Variants in MYT1L observed in about 807,000 individuals in gnomAD.
MYT1L encodes the protein myelin transcription factor 1-like protein.
In MYT1L, 12 loss-of-function variants were observed where a neutral mutation model predicts 126.7. The observed-to-expected ratio is 0.09, with a 90% CI of 0.06 to 0.15. MYT1L has a LOEUF of 0.15. Among genes scored for constraint, MYT1L ranks in the 10% least tolerant of loss-of-function variants. MYT1L has a pLI of 1.00. For synonymous variants in MYT1L, 541 were observed against 604.2 expected (o/e 0.90, Z 1.53); for missense variants, 979 against 1,585.2 (o/e 0.62, Z 6.49).
chr2:2,033,733 C>G (rs1271326052), intron 4 of MYT1L, among the ~76,000 whole-genome samples: 1 of 152,142 alleles, frequency 6.6e-6, no homozygotes, highest in Non-Finnish European at 1.5e-5. Context: ...CGGTGATTGG[C>G]AATCCCCAGC....
intron 3 of MYT1L, among the ~76,000 whole-genome samples, chr2:2,137,822 A>T (rs966189080): frequency 6.6e-6 from 1 of 152,228 alleles, no homozygotes; most frequent in African/African-American, 2.4e-5. Context: ...TGGTAACAAA[A>T]GCCACAATTG....
chr2:1,846,518 CACGGACAGAGCAT>C (rs531347624), intron 19 of MYT1L, among the ~76,000 whole-genome samples: 1 of 152,088 alleles, frequency 6.6e-6, no homozygotes, highest in Non-Finnish European at 1.5e-5. Context: ...GGGGTGAGCA[CACGGACAGAGCAT>C]ACGGACAGCT....
At position 2,224,014 on chromosome 2, in the gene MYT1L, T is replaced by A. The variant is rs1050601916; in HGVS notation, c.-420-51026A>T. ...TTTGACTGAGTTGACAGGTGGAGTG[T>A]GTATGTTGTGTGAGGTAACTTTAAG... On this transcript the variant is annotated intron_variant, in intron 2 of 24. Coordinates refer to ENST00000647738, the MANE Select transcript of MYT1L (RefSeq NM_001303052.2). The surrounding 1 kb of genome is among the most constrained non-coding windows in gnomAD (Gnocchi z 4.0). 6.6e-6 allele frequency among the ~76,000 whole-genome samples: 1 copy of A among 152,056 alleles called. No individual in the cohort carries two copies. Among genetic ancestry groups the A allele is most frequent in the African/African-American group, 2.4e-5 (1 of 41,402 alleles).
At chr2:2,211,936 A>G (rs1392050049) in intron 2 of MYT1L, among the ~76,000 whole-genome samples, 1 of 152,024 alleles carries the variant, frequency 6.6e-6, no homozygotes, top group Non-Finnish European at 1.5e-5. Context: ...ATAAAATATT[A>G]TAATATAACT....
At position 1,869,976 on chromosome 2, in the gene MYT1L, T is replaced by C. The variant is rs80081434; in HGVS notation, c.2711+16563A>G. On this transcript the variant is annotated intron_variant, in intron 18 of 24. Transcript: ENST00000647738. The stretch of plus-strand genomic sequence containing the variant: ...ATTAAAAATAAACAGCCTTCATCCA[T>C]TGCATTGAAAAATTGACCATTTGTA... 4.2e-3 allele frequency among the ~76,000 whole-genome samples: 639 copies of C among 152,220 alleles called. 3 individuals are homozygous for C. Among genetic ancestry groups the C allele is most frequent in the African/African-American group, 0.013 (538 of 41,554 alleles).
intron 2 of MYT1L, among the ~76,000 whole-genome samples, chr2:2,219,919 T>G (rs1430842018): frequency 6.6e-6 from 1 of 152,108 alleles, no homozygotes; most frequent in South Asian, 2.1e-4. Flanking sequence ...TATTTCTTTA[T>G]GTCACGAAGG....
intron 9 of MYT1L, among the ~76,000 whole-genome samples, chr2:1,940,915 C>A (rs548872243): frequency 1.3e-5 from 2 of 152,340 alleles, no homozygotes; most frequent in South Asian, 4.1e-4. Flanking sequence ...TCCTGAGGCA[C>A]GATCAGCCAG....
At chr2:2,024,981 G>A (rs1356786299) in intron 4 of MYT1L, among the ~76,000 whole-genome samples, 10 of 152,278 alleles carry the variant, frequency 6.6e-5, no homozygotes, top group Non-Finnish European at 1.2e-4. Flanking sequence ...GTCCCAGCCT[G>A]TACTATCTCA....
intron 2 of MYT1L, among the ~76,000 whole-genome samples, chr2:2,225,239 G>A (rs2093978515): frequency 6.6e-6 from 1 of 151,956 alleles, no homozygotes; most frequent in African/African-American, 2.4e-5. Flanking sequence ...CCAACCCCAG[G>A]CCTCTTCCAG....
chr2:2,267,602 G>A (rs1254100971), intron 2 of MYT1L, among the ~76,000 whole-genome samples: 1 of 152,182 alleles, frequency 6.6e-6, no homozygotes, highest in East Asian at 1.9e-4. Flanking sequence ...AAGGGGACAG[G>A]GAAGGCCGAG....
chr2:2,093,667 T>C (rs1192737252), intron 3 of MYT1L, among the ~76,000 whole-genome samples: 1 of 152,172 alleles, frequency 6.6e-6, no homozygotes, highest in Non-Finnish European at 1.5e-5. Context: ...GGTAGTTTCT[T>C]TTGCTGTGCA....
intron 17 of MYT1L, 132 bp from the exon 18 acceptor site, chr2:1,886,739 T>C: frequency 2.3e-6 from 1 of 436,482 alleles, no homozygotes; most frequent in Non-Finnish European, 3.9e-6. Context: ...TATTGAATTT[T>C]TTTTTGTGTA....
At chr2:1,878,244 C>A (rs1260512227) in intron 18 of MYT1L, among the ~76,000 whole-genome samples, 1 of 152,170 alleles carries the variant, frequency 6.6e-6, no homozygotes, top group African/African-American at 2.4e-5. Context: ...TGCAGGTATT[C>A]CATTCTGAAA....
chr2:2,216,458 A>C (rs2093679156), intron 2 of MYT1L, among the ~76,000 whole-genome samples: 1 of 152,220 alleles, frequency 6.6e-6, no homozygotes, highest in Admixed American at 6.5e-5. Context: ...AAGTATTTTC[A>C]ACTGGATGAA....
At chr2:1,946,496 C>T (rs2057239233) in intron 8 of MYT1L, among the ~76,000 whole-genome samples, 1 of 152,074 alleles carries the variant, frequency 6.6e-6, no homozygotes, top group East Asian at 1.9e-4. Context: ...TTCATTGCCA[C>T]CTTGCTGCGT....
chr2:2,241,867 A>T (rs1405662406), intron 2 of MYT1L, among the ~76,000 whole-genome samples: 1 of 152,220 alleles, frequency 6.6e-6, no homozygotes, highest in African/African-American at 2.4e-5. Flanking sequence ...TGCCACTCAC[A>T]TGAGGTAAGA....
chr2:1,797,154 G>C (rs1572310684), intron 23 of MYT1L, among the ~76,000 whole-genome samples: 1 of 152,160 alleles, frequency 6.6e-6, no homozygotes, highest in East Asian at 1.9e-4. Context: ...GAATGGGGTT[G>C]GGGAAACGCA....
chr2:1,865,399 G>A (rs1043232174), intron 18 of MYT1L, among the ~76,000 whole-genome samples: 1 of 152,182 alleles, frequency 6.6e-6, no homozygotes, highest in African/African-American at 2.4e-5. Flanking sequence ...GAGCCAGACC[G>A]GGTTTGGCCT....
At chr2:2,304,637 C>G (rs115836041) in intron 1 of MYT1L, among the ~76,000 whole-genome samples, 116 of 152,268 alleles carry the variant, frequency 7.6e-4, no homozygotes, top group African/African-American at 2.6e-3. Context: ...AGTCTAGCAG[C>G]CTTGGAAATA....
Sources: gnomAD v4.1 joint callset for allele counts (sites outside exome capture counted in the v4.1 genomes callset) on GRCh38, gnomAD v4.1.1 for gene constraint, Gnocchi (gnomAD v3.1) non-coding constraint, MANE v1.5 for transcripts, NCBI Gene and HGNC (gene_info 2026-07-23, HGNC 2026-07-21) for gene names.